The following KCNMA1 variants were observed in gnomAD, a reference collection of about 807,000 sequenced individuals.
The protein encoded by KCNMA1 is Calcium-activated potassium channel subunit alpha-1.
KCNMA1 carries 29 observed loss-of-function variants against 140.0 expected under a neutral mutation model. That is an observed-to-expected ratio of 0.21 (90% CI 0.15 to 0.28). The LOEUF (loss-of-function observed/expected upper bound fraction) is 0.28, where lower values mean the gene tolerates loss of function less well. KCNMA1 is among the 10% of genes least tolerant of loss of function. The pLI, the probability that KCNMA1 is intolerant of heterozygous loss-of-function variation, is 1.00. For synonymous variants in KCNMA1, 612 were observed against 611.9 expected, an observed-to-expected ratio of 1.00 and a Z score of 0.00; for missense variants, 880 against 1,602.2, an observed-to-expected ratio of 0.55 and a Z score of 7.70.
Position 77,284,582 on chromosome 10 carries a change from C to T in KCNMA1, c.541-33326G>A, listed in dbSNP as rs191606132. Reference sequence around the variant, plus strand: ...AGGCTGGAGTGCAGTGGCACGATCTCGACTCACTGCAACCTCCACCTCCCA... The same window carrying T: ...AGGCTGGAGTGCAGTGGCACGATCTTGACTCACTGCAACCTCCACCTCCCA... On this transcript the variant is annotated intron_variant, in intron 2 of 27. Coordinates refer to ENST00000286628, the MANE Select transcript of KCNMA1 (RefSeq NM_001161352.2). 2.4e-3 allele frequency among the ~76,000 whole-genome samples: 369 copies of T among 152,066 alleles called. 3 individuals carry two copies. The highest frequency in any genetic ancestry group is 7.7e-3 in the African/African-American group (319 of 41,472).
chr10:77,610,861 G>A (rs2086590784), intron 1 of KCNMA1, among the ~76,000 whole-genome samples: 2 of 152,208 alleles, frequency 1.3e-5, no homozygotes, highest in Admixed American at 6.5e-5. Flanking sequence ...CACTTTAAAA[G>A]AAGGAATTTT....
chr10:77,366,371 G>A (rs2094362215), intron 2 of KCNMA1, among the ~76,000 whole-genome samples: 1 of 152,134 alleles, frequency 6.6e-6, no homozygotes, highest in Non-Finnish European at 1.5e-5. Flanking sequence ...GTTTCACCTT[G>A]TTGACCAGGC....
intron 16 of KCNMA1, chr10:77,025,540 C>T (rs183847740): frequency 9.5e-6 from 11 of 1,160,130 alleles, no homozygotes; most frequent in East Asian, 2.6e-5. Flanking sequence ...AGGAATAAAA[C>T]CTTTGTTTCA....
At chr10:76,883,675 T>C (rs1186335368), downstream of KCNMA1, among the ~76,000 whole-genome samples, 1 of 151,860 alleles carries the variant, frequency 6.6e-6, no homozygotes, top group Non-Finnish European at 1.5e-5. Context: ...TTTAAATGTA[T>C]ATACTTTATT....
At chr10:77,157,730 C>T (rs7078525) in intron 5 of KCNMA1, among the ~76,000 whole-genome samples, 22,221 of 152,122 alleles carry the variant, frequency 0.15, 1,999 homozygotes, top group African/African-American at 0.25. Flanking sequence ...ATCCTGCCTT[C>T]AGCGAGGCGA....
At chr10:77,606,786 G>A (rs1312408753) in intron 1 of KCNMA1, among the ~76,000 whole-genome samples, 1 of 152,078 alleles carries the variant, frequency 6.6e-6, no homozygotes, top group Non-Finnish European at 1.5e-5. Context: ...CCTGCAGCAG[G>A]AAGAGCCACC....
intron 23 of KCNMA1, among the ~76,000 whole-genome samples, chr10:76,931,863 C>A (rs1163565104): frequency 6.6e-6 from 1 of 152,132 alleles, no homozygotes; most frequent in Non-Finnish European, 1.5e-5. Context: ...TGGTTTCTAT[C>A]ATCATCTATT....
intron 6 of KCNMA1, among the ~76,000 whole-genome samples, chr10:77,119,093 G>T (rs928132947): frequency 3.9e-5 from 6 of 152,156 alleles, no homozygotes; most frequent in Non-Finnish European, 7.3e-5. Context: ...TCTCTCCCTC[G>T]TCCCCTGGCT....
At chr10:76,969,223 T>G (rs1458206530) in intron 20 of KCNMA1, among the ~76,000 whole-genome samples, 2 of 123,914 alleles carry the variant, frequency 1.6e-5, no homozygotes, top group Non-Finnish European at 3.2e-5. Context: ...GAAGCCATAG[T>G]CAAGAAAGAA....
intron 3 of KCNMA1, among the ~76,000 whole-genome samples, chr10:77,204,819 G>T (rs1197468616): frequency 1.3e-5 from 2 of 152,132 alleles, no homozygotes; most frequent in Non-Finnish European, 2.9e-5. Context: ...TCCTGCATAC[G>T]AGTGAAACTA....
rs559504344 is a variant in KCNMA1 at position 77,168,960 on chromosome 10, A to G, written c.808+14461T>C. 3.9e-5 allele frequency among the ~76,000 whole-genome samples: 6 copies of G among 152,322 alleles called. No homozygotes were observed. The South Asian group carries it at 1.2e-3, about 32-fold the overall frequency. Reference sequence around the variant, plus strand: ...AATATGTGAACGAATGAACATGGCTATGTTCCAAGAAAACTTTATTTACAA... The same window carrying G: ...AATATGTGAACGAATGAACATGGCTGTGTTCCAAGAAAACTTTATTTACAA... On this transcript the variant is annotated intron_variant, in intron 5 of 27. Transcript: ENST00000286628.
chr10:77,431,507 G>A (rs1458046934), intron 1 of KCNMA1, among the ~76,000 whole-genome samples: 1 of 151,984 alleles, frequency 6.6e-6, no homozygotes, highest in African/African-American at 2.4e-5. Context: ...TCAGCCAGAG[G>A]GCAGACCTGG....
chr10:77,470,027 C>T (rs2098117565), intron 1 of KCNMA1, among the ~76,000 whole-genome samples: 1 of 152,062 alleles, frequency 6.6e-6, no homozygotes, highest in Non-Finnish European at 1.5e-5. Flanking sequence ...AGATTCTGCT[C>T]CTTCTGTCAG....
At chr10:76,981,252 G>C (rs896973787) in intron 19 of KCNMA1, among the ~76,000 whole-genome samples, 1 of 151,902 alleles carries the variant, frequency 6.6e-6, no homozygotes, top group Non-Finnish European at 1.5e-5. Context: ...CCCTAGCCTT[G>C]CATCTCATTC....
chr10:76,930,721 G>A (rs1291168866), intron 23 of KCNMA1, among the ~76,000 whole-genome samples: 2 of 151,926 alleles, frequency 1.3e-5, no homozygotes, highest in Non-Finnish European at 2.9e-5. Context: ...AGAAACCACT[G>A]GTGTCCATTG....
At chr10:77,189,413 C>T (rs895754555) in intron 3 of KCNMA1, among the ~76,000 whole-genome samples, 7 of 152,152 alleles carry the variant, frequency 4.6e-5, no homozygotes, top group Admixed American at 2.6e-4. Flanking sequence ...TAAAAAGATA[C>T]AGGGAAGCAA....
At chr10:77,263,223 C>T (rs1040005025) in intron 2 of KCNMA1, among the ~76,000 whole-genome samples, 1 of 152,184 alleles carries the variant, frequency 6.6e-6, no homozygotes, top group Admixed American at 6.5e-5. Context: ...TTTCTCCTTT[C>T]ATTTCCAGAA....
At chr10:77,469,136 C>T (rs139239623) in intron 1 of KCNMA1, among the ~76,000 whole-genome samples, 10 of 152,226 alleles carry the variant, frequency 6.6e-5, no homozygotes, top group East Asian at 3.9e-4. Context: ...TTGTAGGACC[C>T]GCCTGCCCAT....
At chr10:76,921,011 T>C (rs1195017874) in intron 23 of KCNMA1, among the ~76,000 whole-genome samples, 1 of 152,130 alleles carries the variant, frequency 6.6e-6, no homozygotes, top group African/African-American at 2.4e-5. Flanking sequence ...CCTAGTTAAA[T>C]CCCTGAGCCT....
Sources: allele counts gnomAD v4.1 joint callset (sites outside exome capture counted in the v4.1 genomes callset), GRCh38; gene constraint gnomAD v4.1.1; transcripts MANE v1.5; gene names NCBI Gene and HGNC (gene_info 2026-07-23, HGNC 2026-07-21).